Variants in ILRUN observed in about 807,000 individuals in gnomAD.
The protein encoded by ILRUN is protein ILRUN.
Under a neutral mutation model 33.8 loss-of-function variants are expected in ILRUN, and 3 were observed. That is an observed-to-expected ratio of 0.09 (90% CI 0.04 to 0.23). ILRUN has a LOEUF of 0.23. ILRUN is among the 10% of genes least tolerant of loss of function. The probability of loss-of-function intolerance (pLI) is 1.00; values close to 1 mark genes in which losing one functional copy is unlikely to be tolerated. For synonymous variants in ILRUN, 124 were observed against 138.9 expected, an observed-to-expected ratio of 0.89 and a Z score of 0.75; for missense variants, 210 against 375.1, an observed-to-expected ratio of 0.56 and a Z score of 3.64.
chr6:34,618,204 T>C (rs770463248), intron 3 of ILRUN, among the ~76,000 whole-genome samples: 3 of 152,278 alleles, frequency 2.0e-5, no homozygotes, highest in Non-Finnish European at 2.9e-5. Flanking sequence ...TCTCCCATAA[T>C]TGGACTGGGA....
intron 1 of ILRUN, among the ~76,000 whole-genome samples, chr6:34,676,797 T>C (rs533974962): frequency 3.9e-5 from 6 of 152,112 alleles, no homozygotes; most frequent in Non-Finnish European, 8.8e-5. Flanking sequence ...CTTTTATCTA[T>C]CAGATAAATC....
chr6:34,691,721 G>A (rs576523095), intron 1 of ILRUN, among the ~76,000 whole-genome samples: 6 of 152,104 alleles, frequency 3.9e-5, no homozygotes, highest in African/African-American at 9.6e-5. Flanking sequence ...TCTTGAACCC[G>A]GGAGGCAGAG....
In ILRUN at chr6:34,614,443, A is replaced by ATATATATAT. The variant is rs775273061; in HGVS notation, c.512-7540_512-7539insATATATATA. Among the ~76,000 whole-genome samples, 332 of 133,566 alleles carry ATATATATAT rather than the reference A, an allele frequency of 2.5e-3. 2 individuals carry two copies. The East Asian group carries it at 0.035, about 14-fold the overall frequency. The allele number at this position is 133,566 out of a possible 152,430, so 87.6% of individuals were successfully genotyped here. A position where few individuals can be genotyped will look rare whatever the true frequency, so the allele number is the denominator to read the frequency against. On this transcript the variant is annotated intron_variant, in intron 3 of 4. Transcript: ENST00000374023. The stretch of plus-strand genomic sequence containing the variant: ...TCTCAAAAAATAATAAAAAAAAAAA[A>ATATATATAT]ATATATATATATAAAATGTATATTA...
intron 3 of ILRUN, among the ~76,000 whole-genome samples, chr6:34,614,443 A>ATATATATATATATATATAT (rs775273061): frequency 7.5e-6 from 1 of 133,598 alleles, no homozygotes; most frequent in African/African-American, 3.1e-5. Context: ...AAAAAAAAAA[A>ATATATATATATATATATAT]ATATATATAT....
In ILRUN at chr6:34,624,808, T is replaced by A. The variant is rs564734711; in HGVS notation, c.512-17904A>T. ...TTTAAAAGAAACTCAAACCCTATTT[T>A]GGATACAATTATGAACAAAAAGTAT... is the stretch of plus-strand genomic sequence containing the variant. On this transcript the variant is annotated intron_variant, in intron 3 of 4. Coordinates refer to ENST00000374023, the MANE Select transcript of ILRUN (RefSeq NM_024294.4). Among the ~76,000 whole-genome samples the A allele has an allele frequency of 2.6e-5, 4 of 152,346 alleles. No homozygotes were observed. In the South Asian group the frequency reaches 8.3e-4, roughly 32 times the overall value.
At chr6:34,623,861 T>C (rs988542837) in intron 3 of ILRUN, among the ~76,000 whole-genome samples, 3 of 152,242 alleles carry the variant, frequency 2.0e-5, no homozygotes, top group African/African-American at 7.2e-5. Flanking sequence ...TTTTTGAGTC[T>C]CACTCTGTTG....
chr6:34,593,991 A>G (rs752898042), intron 4 of ILRUN, among the ~76,000 whole-genome samples: 3 of 152,166 alleles, frequency 2.0e-5, no homozygotes, highest in African/African-American at 4.8e-5. Context: ...AGGCCCATCC[A>G]CATTTCAGAT....
chr6:34,651,931 T>A (rs1277771006), intron 2 of ILRUN, among the ~76,000 whole-genome samples: 2 of 151,882 alleles, frequency 1.3e-5, no homozygotes, highest in Non-Finnish European at 2.9e-5. Flanking sequence ...TAGCTGGGAC[T>A]ACAGGCATGC....
chr6:34,682,263 T>TGTTTTGTTTTG (rs1554189586), intron 1 of ILRUN, among the ~76,000 whole-genome samples: 7 of 124,928 alleles, frequency 5.6e-5, no homozygotes, highest in Admixed American at 4.9e-4. Flanking sequence ...TTTTTTTTTT[T>TGTTTTGTTTTG]TTTTTTTTTT....
chr6:34,608,942 CAA>C (rs776160281), intron 3 of ILRUN, among the ~76,000 whole-genome samples: 4 of 152,130 alleles, frequency 2.6e-5, no homozygotes, highest in Non-Finnish European at 4.4e-5. Context: ...TTTCAAAAAG[CAA>C]AATACAGAAA....
intron 3 of ILRUN, among the ~76,000 whole-genome samples, chr6:34,612,296 T>C (rs1761773113): frequency 6.6e-6 from 1 of 152,126 alleles, no homozygotes. Flanking sequence ...CCAGGCATGG[T>C]GGCACACGCT....
chr6:34,620,039 T>C (rs985428585), intron 3 of ILRUN, among the ~76,000 whole-genome samples: 1 of 150,886 alleles, frequency 6.6e-6, no homozygotes, highest in African/African-American at 2.4e-5. Context: ...GTTATAAGAT[T>C]GTCTTAGAAA....
chr6:34,596,457 C>T (rs1045378046), intron 4 of ILRUN, among the ~76,000 whole-genome samples: 3 of 152,166 alleles, frequency 2.0e-5, no homozygotes, highest in Admixed American at 2.0e-4. Flanking sequence ...GCCAGGACTA[C>T]AGGCACCATC....
intron 3 of ILRUN, chr6:34,616,432 G>A: frequency 1.7e-6 from 1 of 576,672 alleles, no homozygotes; most frequent in South Asian, 2.2e-5. Context: ...GAAAAGCTGG[G>A]TGTGTACTGT....
intron 1 of ILRUN, among the ~76,000 whole-genome samples, chr6:34,668,371 C>T (rs2127375777): frequency 6.6e-6 from 1 of 152,222 alleles, no homozygotes; most frequent in South Asian, 2.1e-4. Context: ...TTCAAATGTA[C>T]ATCAACTTAT....
At chr6:34,621,464 A>C (rs1762011104) in intron 3 of ILRUN, among the ~76,000 whole-genome samples, 1 of 152,228 alleles carries the variant, frequency 6.6e-6, no homozygotes, top group Non-Finnish European at 1.5e-5. Flanking sequence ...TCAGGCTGTT[A>C]CCACCTGAAT....
intron 3 of ILRUN, among the ~76,000 whole-genome samples, chr6:34,636,504 G>A (rs1762371157): frequency 6.6e-6 from 1 of 152,038 alleles, no homozygotes; most frequent in Non-Finnish European, 1.5e-5. Context: ...TAAGGCTGGT[G>A]TCAAACCATC....
At chr6:34,598,159 G>A (rs1350541366) in intron 4 of ILRUN, among the ~76,000 whole-genome samples, 4 of 152,106 alleles carry the variant, frequency 2.6e-5, no homozygotes. Flanking sequence ...CAGTATTATT[G>A]ACTGTATACT....
intron 1 of ILRUN, among the ~76,000 whole-genome samples, chr6:34,691,205 T>C (rs1000713109): frequency 6.6e-6 from 1 of 152,150 alleles, no homozygotes; most frequent in Non-Finnish European, 1.5e-5. Context: ...AAGAATCTCT[T>C]AAGTCAGTTT....
Sources: gnomAD v4.1 joint callset for allele counts (sites outside exome capture counted in the v4.1 genomes callset) on GRCh38, gnomAD v4.1.1 for gene constraint, MANE v1.5 for transcripts, NCBI Gene and HGNC (gene_info 2026-07-23, HGNC 2026-07-21) for gene names.